Variants in CERS1 observed in about 807,000 individuals in gnomAD.
CERS1 encodes the protein ceramide synthase 1, also known as Embryonic growth/differentiation factor 1.
A neutral mutation model predicts 35.7 loss-of-function variants in CERS1; 16 were observed. The observed-to-expected ratio is 0.45, with a 90% confidence interval of 0.30 to 0.68. The LOEUF is 0.68. Among genes scored for constraint, CERS1 ranks in the 30% least tolerant of loss-of-function variants. The pLI, the probability that CERS1 is intolerant of heterozygous loss-of-function variation, is 0.08. For missense variants in CERS1, 454 were observed against 453.9 expected, an observed-to-expected ratio of 1.00 and a Z score of 0.00; for synonymous variants, 243 against 201.6, an observed-to-expected ratio of 1.21 and a Z score of -1.74.
chr19:18,872,949 C>T (rs554526044), intron 6 of CERS1, among the ~76,000 whole-genome samples: 3 of 152,326 alleles, frequency 2.0e-5, no homozygotes, highest in African/African-American at 7.2e-5. Context: ...CATGCCGGGC[C>T]GAGATGGCCT....
chr19:18,889,808 T>G (rs993031283), intron 2 of CERS1, among the ~76,000 whole-genome samples: 1 of 151,968 alleles, frequency 6.6e-6, no homozygotes. Context: ...CATCCCTGAA[T>G]CCAGAATCTT....
At position 18,870,351 on chromosome 19, in the gene CERS1, G is replaced by A; in HGVS notation, c.*226C>T. ...CCAGAGAGTGCGCAGGGTCCGCGGC[G>A]GCCCGGGACCAGTGGGCTGAGGGCG... On this transcript the variant is annotated 3_prime_UTR_variant, in exon 7 of 8. Transcript: ENST00000623882. The surrounding 1 kb of genome is among the most constrained non-coding windows in gnomAD (Gnocchi z 5.1). The A allele has an allele frequency of 6.5e-7, 1 of 1,541,406 alleles. No individual in the cohort carries two copies.
At chr19:18,873,790 G>A (rs1371040788) in intron 6 of CERS1, among the ~76,000 whole-genome samples, 9 of 148,850 alleles carry the variant, frequency 6.0e-5, no homozygotes, top group Non-Finnish European at 1.5e-5. Flanking sequence ...GCAGTGAGCC[G>A]AGATCTCACC....
intron 2 of CERS1, among the ~76,000 whole-genome samples, chr19:18,887,308 C>A (rs936470920): frequency 2.0e-5 from 3 of 152,158 alleles, no homozygotes; most frequent in African/African-American, 7.2e-5. Flanking sequence ...ACAGGCAAAT[C>A]TACAGAGATA....
intron 4 of CERS1, 119 bp downstream of exon 4, chr19:18,880,155 G>C (rs2146017774): frequency 1.1e-6 from 1 of 948,456 alleles, no homozygotes; most frequent in Non-Finnish European, 1.5e-6. Context: ...CCCCTGTCAT[G>C]CCACACACCC....
Position 18,870,048 on chromosome 19 carries a change from A to G in CERS1, c.*529T>C, listed in dbSNP as rs983750735. 8 of 1,593,776 alleles carry G rather than the reference A, an allele frequency of 5.0e-6. No homozygotes were observed. Among genetic ancestry groups the G allele is most frequent in the Non-Finnish European group, 6.8e-6 (8 of 1,173,850 alleles). ...CAGCTCCTCCACGTGGCACGGTTGCAGGGTGACCCCTGGGGACGTCCGCCG... is the reference window on the plus strand; with the variant it reads ...CAGCTCCTCCACGTGGCACGGTTGCGGGGTGACCCCTGGGGACGTCCGCCG... On this transcript the variant is annotated 3_prime_UTR_variant, in exon 7 of 8. Coordinates refer to ENST00000623882, the MANE Select transcript of CERS1 (RefSeq NM_021267.5). This position sits in a 1 kb window ranked among gnomAD's most constrained non-coding sequence, Gnocchi z 5.1.
chr19:18,891,594 C>G (rs1472044349), intron 2 of CERS1, among the ~76,000 whole-genome samples: 1 of 152,056 alleles, frequency 6.6e-6, no homozygotes, highest in African/African-American at 2.4e-5. Flanking sequence ...ACCCCCAACC[C>G]CCAGGCAGGG....
At chr19:18,889,362 C>T (rs1337245475) in intron 2 of CERS1, among the ~76,000 whole-genome samples, 1 of 152,082 alleles carries the variant, frequency 6.6e-6, no homozygotes, top group East Asian at 1.9e-4. Context: ...CGTCCTGTAG[C>T]TCCTTCCCCA....
At chr19:18,893,081 T>C (rs2056534321) in intron 2 of CERS1, among the ~76,000 whole-genome samples, 1 of 151,716 alleles carries the variant, frequency 6.6e-6, no homozygotes. Flanking sequence ...ACCCGGCTAA[T>C]TTTTTGTATT....
At position 18,870,570 on chromosome 19, in the gene CERS1, G is replaced by A. The variant is rs747125941; in HGVS notation, c.*7C>T. The stretch of plus-strand genomic sequence containing the variant: ...GGGCCGGGTCCACGGGGGCGGGGCC[G>A]AGGGGTTCAGAAGCGCTTGTCCTTC... On this transcript the variant is annotated 3_prime_UTR_variant, in exon 7 of 8. Transcript: ENST00000623882. This position sits in a 1 kb window ranked among gnomAD's most constrained non-coding sequence, Gnocchi z 5.1. 1.0e-5 allele frequency: 6 copies of A among 590,270 alleles called. No individual in the cohort carries two copies. The highest frequency in any genetic ancestry group is 9.8e-5 in the African/African-American group (5 of 51,062). The allele number at this position is 590,270 out of a possible 1,614,324, so 36.6% of individuals were successfully genotyped here.
At chr19:18,873,696 G>C (rs1179371106) in intron 6 of CERS1, among the ~76,000 whole-genome samples, 1 of 151,766 alleles carries the variant, frequency 6.6e-6, no homozygotes, top group East Asian at 1.9e-4. Flanking sequence ...ACAACTATTA[G>C]CCAGGTGTGG....
At position 18,878,485 on chromosome 19, in the gene CERS1, C is replaced by A; in HGVS notation, c.1010+445G>T. ...AAACTCAGAGGCCAGGATGTCTCGGCCCAGATGGAGCCTGGGTTCTCTCTG... is the reference window on the plus strand; with the variant it reads ...AAACTCAGAGGCCAGGATGTCTCGGACCAGATGGAGCCTGGGTTCTCTCTG... On this transcript the variant is annotated intron_variant, in intron 6 of 7. Transcript: ENST00000623882. The surrounding 1 kb of genome is among the most constrained non-coding windows in gnomAD (Gnocchi z 4.6). 1.0e-6 allele frequency: 1 copy of A among 996,306 alleles called. No homozygotes were observed. The highest frequency in any genetic ancestry group is 1.2e-6 in the Non-Finnish European group (1 of 836,016). The allele number at this position is 996,306 out of a possible 1,614,324, so 61.7% of individuals were successfully genotyped here. A position where few individuals can be genotyped will look rare whatever the true frequency, so the allele number is the denominator to read the frequency against.
intron 2 of CERS1, 34 bp downstream of exon 2, chr19:18,893,382 A>G: frequency 1.3e-6 from 2 of 1,574,634 alleles, no homozygotes; most frequent in East Asian, 4.7e-5. Flanking sequence ...TGTTTTAAGC[A>G]GAGCCCTCCC....
rs2055913910 is a variant in CERS1 at position 18,869,237 on chromosome 19, T to A, written c.*748A>T. ...CGCCACGCTCAGCTCCCAGCCGCCC[T>A]CCGGGGCTGCCGCCGCCGCCGCCGC... On this transcript the variant is annotated 3_prime_UTR_variant, in exon 8 of 8. Transcript: ENST00000623882. 3.5e-6 allele frequency: 5 copies of A among 1,414,742 alleles called. No homozygotes were observed. The African/African-American group carries it at 7.6e-5, about 22-fold the overall frequency. The allele number at this position is 1,414,742 out of a possible 1,614,324, so 87.6% of individuals were successfully genotyped here.
chr19:18,882,257 G>C (rs894194203), intron 3 of CERS1, among the ~76,000 whole-genome samples: 14 of 152,190 alleles, frequency 9.2e-5, no homozygotes, highest in Admixed American at 3.3e-4. Context: ...TCCAACATGG[G>C]AGCCACCAGC....
Position 18,895,746 on chromosome 19 carries a change from G to A in CERS1, c.249+78C>T. 1.3e-6 allele frequency: 1 copy of A among 785,246 alleles called. No individual in the cohort carries two copies. The highest frequency in any genetic ancestry group is 1.7e-6 in the Non-Finnish European group (1 of 605,256). The allele number at this position is 785,246 out of a possible 1,614,324, so 48.6% of individuals were successfully genotyped here. On this transcript the variant is annotated intron_variant, in intron 1 of 7. Coordinates refer to ENST00000623882, the MANE Select transcript of CERS1 (RefSeq NM_021267.5). The surrounding 1 kb of genome is among the most constrained non-coding windows in gnomAD (Gnocchi z 6.4). ...GCAGCCAGCGCTGGAAGAAAGGAAC[G>A]CGCCGGCGGCCCCAGGTCCCCGGTC...
rs2055915145 is a variant in CERS1 at position 18,869,267 on chromosome 19, C to A, written c.*718G>T. 2.7e-6 allele frequency: 4 copies of A among 1,473,326 alleles called. No homozygotes were observed. The East Asian group carries it at 8.7e-5, about 32-fold the overall frequency. 91.3% of individuals were successfully genotyped at this position (1,473,326 alleles called of 1,614,324 possible). On this transcript the variant is annotated 3_prime_UTR_variant, in exon 8 of 8. Transcript: ENST00000623882. ...GGCTGCCGCCGCCGCCGCCGCGAAA[C>A]GCAGCTCCAGGCGGGCCCGGCTCGG...
intron 2 of CERS1, among the ~76,000 whole-genome samples, chr19:18,887,581 C>T (rs2056391701): frequency 6.6e-6 from 1 of 151,930 alleles, no homozygotes; most frequent in Non-Finnish European, 1.5e-5. Context: ...CCTGTCTGTA[C>T]TAAAAATACA....
intron 2 of CERS1, among the ~76,000 whole-genome samples, chr19:18,889,587 G>C (rs529412431): frequency 6.6e-6 from 1 of 152,260 alleles, no homozygotes; most frequent in Admixed American, 6.5e-5. Context: ...ACCATATCCA[G>C]CTAATTTTAT....
Sources: gnomAD v4.1 joint callset for allele counts (sites outside exome capture counted in the v4.1 genomes callset) on GRCh38, gnomAD v4.1.1 for gene constraint, Gnocchi (gnomAD v3.1) non-coding constraint, MANE v1.5 for transcripts, NCBI Gene and HGNC (gene_info 2026-07-23, HGNC 2026-07-21) for gene names.